TJP2: variants seen among roughly 807,000 people sequenced by gnomAD.
The protein encoded by TJP2 is tight junction protein 2.
Under a neutral mutation model 133.1 loss-of-function variants are expected in TJP2, and 91 were observed. That is an observed-to-expected ratio of 0.68 (90% CI 0.58 to 0.81). The LOEUF (loss-of-function observed/expected upper bound fraction) is 0.81, where lower values mean the gene tolerates loss of function less well. Ranked by LOEUF, TJP2 falls within the 40% of genes least tolerant of loss-of-function variation. TJP2 has a pLI of 0.00. For synonymous variants in TJP2, 592 were observed against 583.4 expected, an observed-to-expected ratio of 1.01 and a Z score of -0.21; for missense variants, 1,541 against 1,565.6, an observed-to-expected ratio of 0.98 and a Z score of 0.26.
chr9:69,249,548 G>C (rs2133479278), intron 20 of TJP2, 63 bp downstream of exon 20: 1 of 1,554,542 alleles, frequency 6.4e-7, no homozygotes. Flanking sequence ...AAGCCTCCTG[G>C]ACGGCCAGGG....
At chr9:69,161,169 G>T (rs1824048086) in intron 2 of TJP2, among the ~76,000 whole-genome samples, 1 of 152,090 alleles carries the variant, frequency 6.6e-6, no homozygotes, top group Non-Finnish European at 1.5e-5. Context: ...TGTGTCGGAG[G>T]GATGCAAGGT....
chr9:69,156,380 A>T (rs570455980), intron 2 of TJP2, among the ~76,000 whole-genome samples: 3 of 152,294 alleles, frequency 2.0e-5, no homozygotes, highest in Non-Finnish European at 4.4e-5. Context: ...AGAAAAATTT[A>T]GAAAGTTTAT....
chr9:69,143,920 G>T (rs1001038117), intron 1 of TJP2, among the ~76,000 whole-genome samples: 2 of 152,146 alleles, frequency 1.3e-5, no homozygotes, highest in African/African-American at 4.8e-5. Flanking sequence ...ATATTAGTTT[G>T]TAAATAGTGT....
chr9:69,237,704 T>C (rs1830293589), intron 14 of TJP2, among the ~76,000 whole-genome samples, 174 bp from the exon 15 acceptor site: 1 of 152,116 alleles, frequency 6.6e-6, no homozygotes, highest in Admixed American at 6.6e-5. Flanking sequence ...AAAATTGTTT[T>C]AAATGGTGAG....
intron 6 of TJP2, 125 bp downstream of exon 6, chr9:69,225,532 A>G: frequency 1.4e-6 from 1 of 718,564 alleles, no homozygotes; most frequent in Non-Finnish European, 2.5e-6. Flanking sequence ...AGAGGTGGCA[A>G]GAGCAGCATA....
chr9:69,167,933 C>G (rs188839842), intron 2 of TJP2, among the ~76,000 whole-genome samples: 156 of 151,412 alleles, frequency 1.0e-3, no homozygotes, highest in Non-Finnish European at 1.7e-3. Flanking sequence ...CTTTGAGATA[C>G]TAGAAACGTA....
At chr9:69,173,929 G>T (rs1043085581), upstream of TJP2, 14 of 984,264 alleles carry the variant, frequency 1.4e-5, no homozygotes, top group Non-Finnish European at 1.6e-5. Context: ...TCCAGTGCAC[G>T]CCGCGGAGCG....
intron 1 of TJP2, among the ~76,000 whole-genome samples, chr9:69,190,753 T>A (rs1826150570): frequency 6.6e-6 from 1 of 152,138 alleles, no homozygotes; most frequent in African/African-American, 2.4e-5. Flanking sequence ...GTTACTAAGT[T>A]TTGCATAAAT....
intron 20 of TJP2, among the ~76,000 whole-genome samples, chr9:69,250,293 G>A (rs143342314): frequency 2.9e-4 from 44 of 152,170 alleles, no homozygotes; most frequent in African/African-American, 1.1e-3. Context: ...TAGTAGAGAT[G>A]GGGTTTCGAC....
At chr9:69,179,470 A>C (rs951598432) in intron 1 of TJP2, among the ~76,000 whole-genome samples, 2 of 151,506 alleles carry the variant, frequency 1.3e-5, no homozygotes, top group African/African-American at 4.8e-5. Context: ...GTGCAGTAAC[A>C]GCGGTGGTGG....
chr9:69,137,203 CATGAGCT>C (rs1822771277), intron 1 of TJP2, among the ~76,000 whole-genome samples: 1 of 47,014 alleles, frequency 2.1e-5, no homozygotes, highest in African/African-American at 7.4e-5. Context: ...AACCAATGAT[CATGAGCT>C]TCTTTGTTTT....
At chr9:69,219,915 T>C (rs1428163043) in intron 4 of TJP2, among the ~76,000 whole-genome samples, 2 of 150,798 alleles carry the variant, frequency 1.3e-5, no homozygotes, top group Middle Eastern at 3.2e-3. Context: ...CTTTGGGAGA[T>C]GGAGGCAGGC....
chr9:69,201,380 GT>G (rs1222448097), intron 1 of TJP2, among the ~76,000 whole-genome samples: 1 of 148,234 alleles, frequency 6.7e-6, no homozygotes, highest in Non-Finnish European at 1.5e-5. Flanking sequence ...CCTTTTCTTT[GT>G]CAGGTCTTTG....
At chr9:69,190,376 C>T (rs73450813) in intron 1 of TJP2, among the ~76,000 whole-genome samples, 2,468 of 152,108 alleles carry the variant, frequency 0.016, 57 homozygotes, top group African/African-American at 0.056. Context: ...GGTCAGCTTC[C>T]CCTGAAGTAT....
At chr9:69,181,305 A>G (rs759294565) in intron 1 of TJP2, among the ~76,000 whole-genome samples, 1 of 129,810 alleles carries the variant, frequency 7.7e-6, no homozygotes, top group East Asian at 2.3e-4. Context: ...CTGGAGTGCA[A>G]TGGCCCGATC....
upstream of TJP2, among the ~76,000 whole-genome samples, chr9:69,171,789 A>ATTTTTTTTTT (rs34717893): frequency 1.2e-5 from 1 of 86,758 alleles, no homozygotes. Context: ...GAGTAGAAGA[A>ATTTTTTTTTT]TTTTTTTTTT....
intron 1 of TJP2, among the ~76,000 whole-genome samples, chr9:69,212,009 A>G (rs1202503778): frequency 6.6e-6 from 1 of 152,198 alleles, no homozygotes; most frequent in Non-Finnish European, 1.5e-5. Context: ...ATTGTCAGAG[A>G]TGGAAGTCCC....
At chr9:69,238,563 T>TA in intron 15 of TJP2, 147 bp from the exon 16 acceptor site, 1 of 712,664 alleles carries the variant, frequency 1.4e-6, no homozygotes, top group Non-Finnish European at 2.5e-6. Flanking sequence ...AGATTTCCAC[T>TA]AAGCAGGTTA....
At chr9:69,125,014 G>A (rs1284766174) in intron 1 of TJP2, among the ~76,000 whole-genome samples, 1 of 76,436 alleles carries the variant, frequency 1.3e-5, no homozygotes, top group Non-Finnish European at 3.0e-5. Flanking sequence ...GTGCAACGGC[G>A]CGATCTTGGC....
Sources: allele counts gnomAD v4.1 joint callset (sites outside exome capture counted in the v4.1 genomes callset), GRCh38; gene constraint gnomAD v4.1.1; transcripts MANE v1.5; gene names NCBI Gene and HGNC (gene_info 2026-07-23, HGNC 2026-07-21).